Variants in ZNF107 observed in about 807,000 individuals in gnomAD.
ZNF107 encodes zinc finger protein 107.
In ZNF107, 19 loss-of-function variants were observed where a neutral mutation model predicts 12.3. That is an observed-to-expected ratio of 1.55 (90% CI 1.08 to 2.27). The LOEUF is 2.27. ZNF107 is among the 30% of genes most tolerant of loss of function. The pLI, the probability that ZNF107 is intolerant of heterozygous loss-of-function variation, is 0.00. For missense variants in ZNF107, 958 were observed against 979.9 expected (o/e 0.98, Z 0.30); for synonymous variants, 317 against 330.5 (o/e 0.96, Z 0.44).
chr7:64,704,162 GATA>G (rs1391914023), intron 3 of ZNF107, among the ~76,000 whole-genome samples: 3 of 151,494 alleles, frequency 2.0e-5, no homozygotes, highest in Admixed American at 6.6e-5. Flanking sequence ...TTACATTTTA[GATA>G]ATAATTAAAA....
chr7:64,671,840 G>A lies in ZNF107; in HGVS notation c.3+5555G>A, dbSNP rs187572058. On this transcript the variant is annotated intron_variant, in intron 1 of 3. Transcript: ENST00000620827. ...TCTGTTGCCCAGGCTGGAGTGCAGC[G>A]GCGCGATCTCTGCTCACTGCAAGCT... is the stretch of plus-strand genomic sequence containing the variant. Among the ~76,000 whole-genome samples the A allele has an allele frequency of 3.4e-4, 49 of 145,804 alleles. No homozygotes were observed. In the East Asian group the frequency reaches 7.5e-3, roughly 22 times the overall value.
chr7:64,708,635 A>C lies in ZNF107; in HGVS notation c.2538A>C (p.Lys846Asn), dbSNP rs753704605. 1 of 1,585,460 alleles carries C rather than the reference A, an allele frequency of 6.3e-7. No individual in the cohort carries two copies. The highest frequency in any genetic ancestry group is 8.6e-7 in the Non-Finnish European group (1 of 1,166,484). The change falls in exon 4 of 4, where the codon AAA becomes AAC. Residue 846 changes from lysine to asparagine, a missense_variant. Physicochemically the swap from Lys to Asn is moderately conservative, Grantham distance 94 (BLOSUM62 0). Transcript: ENST00000620827. The stretch of plus-strand genomic sequence containing the variant: ...TTCATACTGGAGAGAAACCCTACAA[A>C]TGTGAGTATGGCAAAACTTAATTGA... The part of the protein sequence containing the change: ...KKIHTGEKPY[K>N]CEYGKT
At chr7:64,695,418 A>C (rs771400449) in intron 3 of ZNF107, among the ~76,000 whole-genome samples, 5 of 152,208 alleles carry the variant, frequency 3.3e-5, no homozygotes, top group African/African-American at 4.8e-5. Flanking sequence ...TTAATGGTAC[A>C]TCAATATTGC....
At chr7:64,702,343 G>T (rs1790503090) in intron 3 of ZNF107, among the ~76,000 whole-genome samples, 1 of 151,606 alleles carries the variant, frequency 6.6e-6, no homozygotes, top group African/African-American at 2.4e-5. Flanking sequence ...CACCATCTTG[G>T]CCAGGCTGGT....
chr7:64,685,068 A>G (rs1030329277), intron 1 of ZNF107, among the ~76,000 whole-genome samples: 1 of 152,144 alleles, frequency 6.6e-6, no homozygotes, highest in South Asian at 2.1e-4. Flanking sequence ...ATATGCAGTC[A>G]TTGGCCAACT....
Position 64,691,968 on chromosome 7 carries a change from A to ATCAGATAT in ZNF107, c.226+8_226+9insTCAGATAT. 6.7e-7 allele frequency: 1 copy of ATCAGATAT among 1,493,396 alleles called. No individual in the cohort carries two copies. The highest frequency in any genetic ancestry group is 8.9e-7 in the Non-Finnish European group (1 of 1,118,314). The allele number at this position is 1,493,396 out of a possible 1,614,324, so 92.5% of individuals were successfully genotyped here. A position where few individuals can be genotyped will look rare whatever the true frequency, so the allele number is the denominator to read the frequency against. On this transcript the variant is annotated intron_variant, in intron 3 of 3. Coordinates refer to ENST00000620827, the MANE Select transcript of ZNF107 (RefSeq NM_001282359.2). ...TGGTAGCCAAACCCCCAGGTAGGTG[A>ATCAGATAT]GAGTGAAAGTGAATACAACAGATGA...
rs757510526 is a variant in ZNF107, at chr7:64,699,757, CA to C, written c.227-6566del. On this transcript the variant is annotated intron_variant, in intron 3 of 3. Coordinates refer to ENST00000620827, the MANE Select transcript of ZNF107 (RefSeq NM_001282359.2). Reference sequence around the variant, plus strand: ...TGGTTTGATTCCTAACAGAATACGCCAGGTGCAAATAAGAATATTGTACATT... The same window carrying C: ...TGGTTTGATTCCTAACAGAATACGCCGGTGCAAATAAGAATATTGTACATT... Among the ~76,000 whole-genome samples, 35 of 152,142 alleles carry C rather than the reference CA, an allele frequency of 2.3e-4. No individual in the cohort carries two copies. The Middle Eastern group carries it at 0.014, about 59-fold the overall frequency.
intron 1 of ZNF107, among the ~76,000 whole-genome samples, chr7:64,666,852 A>G (rs1416967306): frequency 6.6e-6 from 1 of 152,222 alleles, no homozygotes; most frequent in Non-Finnish European, 1.5e-5. Context: ...AAGGTGCATG[A>G]TAAAGGAAAG....
chr7:64,686,348 C>T (rs1464242159), intron 1 of ZNF107, among the ~76,000 whole-genome samples: 6 of 152,078 alleles, frequency 3.9e-5, no homozygotes, highest in Admixed American at 2.6e-4. Context: ...CTGCCTCTTC[C>T]GTCTAGCCTC....
At chr7:64,705,253 T>C (rs946640082) in intron 3 of ZNF107, among the ~76,000 whole-genome samples, 3 of 152,134 alleles carry the variant, frequency 2.0e-5, no homozygotes, top group Non-Finnish European at 2.9e-5. Flanking sequence ...GTATTCTAGT[T>C]TGTTGTCTTT....
chr7:64,693,863 A>C (rs981205772), intron 3 of ZNF107, among the ~76,000 whole-genome samples: 1 of 152,022 alleles, frequency 6.6e-6, no homozygotes, highest in Non-Finnish European at 1.5e-5. Context: ...ATGTCGGCTC[A>C]CTGCAACCTT....
Position 64,707,387 on chromosome 7 carries a change from T to C in ZNF107, c.1290T>C (p.Cys430=), listed in dbSNP as rs1194862855. 1 of 1,613,444 alleles carries C rather than the reference T, an allele frequency of 6.2e-7. No homozygotes were observed. The highest frequency in any genetic ancestry group is 1.1e-5 in the South Asian group (1 of 91,050). The change falls in exon 4 of 4, where the codon TGT becomes TGC. Residue 430 remains cysteine, a synonymous_variant. Coordinates refer to ENST00000620827, the MANE Select transcript of ZNF107 (RefSeq NM_001282359.2). The part of the protein sequence containing the change: ...TGEKPYKCKE[C]GKAFNQSSNL... ...AGAAACCCTACAAATGTAAAGAATG[T>C]GGCAAAGCTTTTAACCAATCTTCAA...
intron 3 of ZNF107, among the ~76,000 whole-genome samples, chr7:64,697,628 G>GATT (rs1790335265): frequency 6.6e-6 from 1 of 151,992 alleles, no homozygotes; most frequent in Admixed American, 6.6e-5. Flanking sequence ...TTTGGATATA[G>GATT]ATTAAGAAAT....
Position 64,676,361 on chromosome 7 carries a change from T to G in ZNF107, c.3+10076T>G, listed in dbSNP as rs192424665. ...AAATGTATATTATGTAGTTTGTAGA[T>G]GAAGAGTTTTGTAGCTGTCTATTAG... On this transcript the variant is annotated intron_variant, in intron 1 of 3. Coordinates refer to ENST00000620827, the MANE Select transcript of ZNF107 (RefSeq NM_001282359.2). Among the ~76,000 whole-genome samples, 19 of 152,316 alleles carry G rather than the reference T, an allele frequency of 1.2e-4. No homozygotes were observed. The East Asian group carries it at 3.7e-3, about 29-fold the overall frequency.
rs563981347 is a variant in ZNF107, at chr7:64,696,324, AG to A, written c.226+4366del. On this transcript the variant is annotated intron_variant, in intron 3 of 3. Transcript: ENST00000620827. ...CGGCCTTTCAAAGTGCTGGGATTAC[AG>A]GCATGAGCCACCGCATCCAGCCTAC... is the stretch of plus-strand genomic sequence containing the variant. Among the ~76,000 whole-genome samples, 10 of 152,186 alleles carry A rather than the reference AG, an allele frequency of 6.6e-5. No homozygotes were observed. In the South Asian group the frequency reaches 2.1e-3, roughly 32 times the overall value.
At chr7:64,689,522 G>T (rs1170584246) in intron 1 of ZNF107, 1 of 152,262 alleles carries the variant, frequency 6.6e-6, no homozygotes, top group East Asian at 1.9e-4. Context: ...ACAAAGTATC[G>T]AGAGTCATGA....
intron 1 of ZNF107, among the ~76,000 whole-genome samples, chr7:64,667,008 A>C (rs1473245209): frequency 6.8e-6 from 1 of 146,002 alleles, no homozygotes. Context: ...AGTAATTTAC[A>C]AAAAAAAAGC....
intron 3 of ZNF107, among the ~76,000 whole-genome samples, chr7:64,697,987 CATA>C (rs1367637086): frequency 6.6e-6 from 1 of 152,026 alleles, no homozygotes; most frequent in Non-Finnish European, 1.5e-5. Flanking sequence ...GCCGGTAAAA[CATA>C]ACATTTTAAA....
At chr7:64,680,651 A>G (rs1789624422) in intron 1 of ZNF107, among the ~76,000 whole-genome samples, 1 of 152,212 alleles carries the variant, frequency 6.6e-6, no homozygotes, top group African/African-American at 2.4e-5. Flanking sequence ...CCATAAATCC[A>G]GCTTTAGACC....
Sources: allele counts gnomAD v4.1 joint callset (sites outside exome capture counted in the v4.1 genomes callset), GRCh38; gene constraint gnomAD v4.1.1; transcripts MANE v1.5; gene names NCBI Gene and HGNC (gene_info 2026-07-23, HGNC 2026-07-21).